The following GALNT17 variants were observed in gnomAD, a reference collection of about 807,000 sequenced individuals.
GALNT17 encodes the protein UDP-GalNAc:polypeptide N-acetylgalactosaminyltransferase-like 3.
Under a neutral mutation model 63.7 loss-of-function variants are expected in GALNT17, and 29 were observed. The ratio of observed to expected loss-of-function variants is 0.46; its 90% CI spans 0.34 to 0.62. The LOEUF (loss-of-function observed/expected upper bound fraction) is 0.62. GALNT17 is among the 20% of genes least tolerant of loss of function. The pLI is 0.01. For synonymous variants in GALNT17, 305 were observed against 318.3 expected, an observed-to-expected ratio of 0.96 and a Z score of 0.45; for missense variants, 603 against 799.6, an observed-to-expected ratio of 0.75 and a Z score of 2.97.
At chr7:71,159,680 TTGTGAGCCCCCA>T (rs1788304009) in intron 1 of GALNT17, among the ~76,000 whole-genome samples, 1 of 148,888 alleles carries the variant, frequency 6.7e-6, no homozygotes, top group African/African-American at 2.5e-5. Flanking sequence ...TGCTTACCAC[TTGTGAGCCCCCA>T]ACATGCCTGG....
intron 3 of GALNT17, among the ~76,000 whole-genome samples, chr7:71,401,290 A>AT (rs1793235812): frequency 6.6e-6 from 1 of 151,898 alleles, no homozygotes; most frequent in Non-Finnish European, 1.5e-5. Context: ...ACAGATGGTG[A>AT]TTCGCCATGT....
intron 5 of GALNT17, among the ~76,000 whole-genome samples, chr7:71,462,597 A>G (rs919455568): frequency 6.6e-6 from 1 of 152,222 alleles, no homozygotes; most frequent in African/African-American, 2.4e-5. Context: ...GAGACGTGAG[A>G]CATCAATCAA....
chr7:71,225,970 A>T (rs1312092446), intron 1 of GALNT17, among the ~76,000 whole-genome samples: 2 of 151,928 alleles, frequency 1.3e-5, no homozygotes, highest in African/African-American at 2.4e-5. Context: ...AATTGTGTGT[A>T]TACATATGCA....
intron 3 of GALNT17, among the ~76,000 whole-genome samples, chr7:71,398,480 A>G (rs1183426131): frequency 6.6e-6 from 1 of 151,996 alleles, no homozygotes; most frequent in Non-Finnish European, 1.5e-5. Flanking sequence ...TGGAAGCAAT[A>G]TGTTTTCTTG....
intron 2 of GALNT17, among the ~76,000 whole-genome samples, chr7:71,353,360 T>G (rs1439611292): frequency 6.6e-6 from 1 of 152,182 alleles, no homozygotes; most frequent in East Asian, 1.9e-4. Context: ...AACAAGGGCA[T>G]TCTCTTACAT....
At chr7:71,669,930 C>A in intron 7 of GALNT17, 42 bp from the exon 8 acceptor site, 2 of 1,610,382 alleles carry the variant, frequency 1.2e-6, no homozygotes, top group Non-Finnish European at 1.7e-6. Context: ...CTGGCCAGAG[C>A]TCCACAGTCA....
At chr7:71,400,681 A>G (rs1445224363) in intron 3 of GALNT17, among the ~76,000 whole-genome samples, 1 of 152,232 alleles carries the variant, frequency 6.6e-6, no homozygotes, top group Non-Finnish European at 1.5e-5. Flanking sequence ...GTCCCAAAGT[A>G]TGGTTATCTC....
chr7:71,256,980 C>T (rs1790301289), intron 1 of GALNT17, among the ~76,000 whole-genome samples: 1 of 152,188 alleles, frequency 6.6e-6, no homozygotes, highest in East Asian at 1.9e-4. Context: ...GACTCTCTCT[C>T]TCGCACTCCT....
At chr7:71,164,339 G>C (rs957270004) in intron 1 of GALNT17, among the ~76,000 whole-genome samples, 4 of 152,236 alleles carry the variant, frequency 2.6e-5, no homozygotes, top group Non-Finnish European at 5.9e-5. Flanking sequence ...GCAGGAGACA[G>C]AGAGAAGCAG....
chr7:71,313,033 C>T (rs951276369), intron 1 of GALNT17, among the ~76,000 whole-genome samples: 2 of 152,178 alleles, frequency 1.3e-5, no homozygotes, highest in African/African-American at 4.8e-5. Flanking sequence ...CACTTGAGCC[C>T]AGGAGTTTGA....
At chr7:71,480,055 T>C (rs926467324) in intron 5 of GALNT17, among the ~76,000 whole-genome samples, 2 of 152,164 alleles carry the variant, frequency 1.3e-5, no homozygotes, top group Non-Finnish European at 2.9e-5. Context: ...GATGCTTGTT[T>C]TCAAGGCCAC....
chr7:71,691,576 A>C (rs549095097), intron 9 of GALNT17, among the ~76,000 whole-genome samples: 15 of 152,360 alleles, frequency 9.8e-5, no homozygotes, highest in African/African-American at 3.4e-4. Flanking sequence ...TTGATGAGCT[A>C]TTCTTTCCAG....
chr7:71,540,543 A>G (rs1264318501), intron 5 of GALNT17, among the ~76,000 whole-genome samples: 1 of 152,122 alleles, frequency 6.6e-6, no homozygotes, highest in Non-Finnish European at 1.5e-5. Context: ...CAGCAGAACA[A>G]AGGCCTCCAT....
chr7:71,649,567 G>A (rs903658919), intron 6 of GALNT17, among the ~76,000 whole-genome samples: 1 of 93,044 alleles, frequency 1.1e-5, no homozygotes, highest in Non-Finnish European at 2.8e-5. Flanking sequence ...GTTCCTTGGT[G>A]GGGGTCTTCA....
chr7:71,649,627 A>T lies in GALNT17; in HGVS notation c.1081-15784A>T, dbSNP rs867645181. ...TTCAGGATTAAACACACACACACAC[A>T]CACACACACACACACACATACACAC... On this transcript the variant is annotated intron_variant, in intron 6 of 10. Transcript: ENST00000333538. 1.4e-3 allele frequency among the ~76,000 whole-genome samples: 220 copies of T among 152,098 alleles called. 1 individual carries two copies. The highest frequency in any genetic ancestry group is 4.9e-3 in the African/African-American group (204 of 41,494).
intron 6 of GALNT17, among the ~76,000 whole-genome samples, chr7:71,639,173 T>A (rs1228342023): frequency 6.6e-6 from 1 of 152,116 alleles, no homozygotes; most frequent in Non-Finnish European, 1.5e-5. Context: ...ATGCGTTACA[T>A]GCCTGTGTCA....
At chr7:71,530,042 C>A (rs1788690620) in intron 5 of GALNT17, among the ~76,000 whole-genome samples, 1 of 152,064 alleles carries the variant, frequency 6.6e-6, no homozygotes, top group Non-Finnish European at 1.5e-5. Context: ...GAAAGGTAAA[C>A]AAGAACACAT....
chr7:71,365,383 C>T (rs560493770), intron 2 of GALNT17, among the ~76,000 whole-genome samples: 14 of 152,324 alleles, frequency 9.2e-5, no homozygotes, highest in African/African-American at 2.9e-4. Flanking sequence ...GTACTACAGG[C>T]GTGCGCCACC....
chr7:71,163,199 C>T (rs145665446), intron 1 of GALNT17, among the ~76,000 whole-genome samples: 1 of 152,200 alleles, frequency 6.6e-6, no homozygotes, highest in Non-Finnish European at 1.5e-5. Flanking sequence ...ATGCCATTCA[C>T]TGAGACAGGG....
Sources: gnomAD v4.1 joint callset for allele counts (sites outside exome capture counted in the v4.1 genomes callset) on GRCh38, gnomAD v4.1.1 for gene constraint, MANE v1.5 for transcripts, NCBI Gene and HGNC (gene_info 2026-07-23, HGNC 2026-07-21) for gene names.